Variants in CDH12 observed in about 807,000 individuals in gnomAD.
CDH12 encodes cadherin-12.
CDH12 carries 41 observed loss-of-function variants against 74.1 expected under a neutral mutation model. The observed-to-expected ratio is 0.55, with a 90% confidence interval of 0.43 to 0.72. CDH12 has a LOEUF of 0.72. Among genes scored for constraint, CDH12 ranks in the 30% least tolerant of loss-of-function variants. The pLI is 0.00. For synonymous variants in CDH12, 399 were observed against 355.0 expected, an observed-to-expected ratio of 1.12 and a Z score of -1.39; for missense variants, 945 against 977.2, an observed-to-expected ratio of 0.97 and a Z score of 0.44.
rs192509004 is a variant in CDH12, at chr5:22,546,928, T to C, written c.-522-41564A>G. Among the ~76,000 whole-genome samples the C allele has an allele frequency of 1.6e-4, 25 of 152,298 alleles. 1 individual carries two copies. The highest frequency in any genetic ancestry group is 1.6e-3 in the Admixed American group (24 of 15,292). On this transcript the variant is annotated intron_variant, in intron 1 of 14. Transcript: ENST00000382254. ...ATGCAAAACAAATAAACTAATCTAT[T>C]TGGTATTTCATCTGCAATAGGTATA...
intron 5 of CDH12, among the ~76,000 whole-genome samples, chr5:22,044,156 T>C (rs1158522586): frequency 1.3e-5 from 2 of 152,148 alleles, no homozygotes; most frequent in Admixed American, 1.3e-4. Context: ...GAACAAGCTG[T>C]AGTCATCATA....
At chr5:22,116,727 A>G (rs1745135567) in intron 4 of CDH12, among the ~76,000 whole-genome samples, 1 of 152,104 alleles carries the variant, frequency 6.6e-6, no homozygotes, top group Non-Finnish European at 1.5e-5. Flanking sequence ...CTTCACTCCC[A>G]TAGAATTTCA....
chr5:22,013,506 A>G lies in CDH12; in HGVS notation c.232-38121T>C, dbSNP rs567628908. 2.4e-4 allele frequency among the ~76,000 whole-genome samples: 37 copies of G among 152,230 alleles called. No homozygotes were observed. In the South Asian group the frequency reaches 2.5e-3, roughly 10 times the overall value. ...TGCAAAAATTGTAAATACATATATA[A>G]ATAGATAAATAGATGTTTAGTGGAA... On this transcript the variant is annotated intron_variant, in intron 5 of 14. Coordinates refer to ENST00000382254, the MANE Select transcript of CDH12 (RefSeq NM_004061.5).
intron 5 of CDH12, among the ~76,000 whole-genome samples, chr5:22,032,759 A>T (rs897435215): frequency 8.8e-6 from 1 of 114,078 alleles, no homozygotes; most frequent in African/African-American, 4.5e-5. Context: ...ATTTATATAT[A>T]TTTTATATAT....
chr5:22,277,116 G>T (rs1736667851), intron 3 of CDH12, among the ~76,000 whole-genome samples: 2 of 152,160 alleles, frequency 1.3e-5, no homozygotes. Context: ...GCCGCCTGTG[G>T]CAGTAGCAAA....
intron 1 of CDH12, among the ~76,000 whole-genome samples, chr5:22,760,243 A>G (rs1047996575): frequency 6.6e-6 from 1 of 152,216 alleles, no homozygotes; most frequent in African/African-American, 2.4e-5. Flanking sequence ...AAACTGATAA[A>G]GACAATACAG....
chr5:22,011,705 C>T lies in CDH12; in HGVS notation c.232-36320G>A, dbSNP rs184634926. ...TCATCTAATTAATTTTATTTTATTTCATTCTGTTGGGTTATATGCAATTAT... is the reference window on the plus strand; with the variant it reads ...TCATCTAATTAATTTTATTTTATTTTATTCTGTTGGGTTATATGCAATTAT... On this transcript the variant is annotated intron_variant, in intron 5 of 14. Coordinates refer to ENST00000382254, the MANE Select transcript of CDH12 (RefSeq NM_004061.5). 3.3e-3 allele frequency among the ~76,000 whole-genome samples: 498 copies of T among 151,950 alleles called. 9 individuals carry two copies. In the East Asian group the frequency reaches 0.04, roughly 12 times the overall value.
At chr5:22,025,486 T>C (rs1361876294) in intron 5 of CDH12, among the ~76,000 whole-genome samples, 1 of 152,182 alleles carries the variant, frequency 6.6e-6, no homozygotes, top group East Asian at 1.9e-4. Flanking sequence ...ATGCTAATGA[T>C]CATCTCACTG....
At chr5:22,653,819 G>A (rs999679870) in intron 1 of CDH12, among the ~76,000 whole-genome samples, 3 of 152,124 alleles carry the variant, frequency 2.0e-5, no homozygotes, top group Non-Finnish European at 4.4e-5. Context: ...TCTACTTATT[G>A]AAGCTTTTGG....
chr5:21,833,636 C>T (rs1028083839), intron 8 of CDH12, among the ~76,000 whole-genome samples: 8 of 105,634 alleles, frequency 7.6e-5, no homozygotes, highest in African/African-American at 3.7e-5. Flanking sequence ...TCATGTATCT[C>T]ATATATATGC....
chr5:22,454,535 G>A (rs1186165357), intron 2 of CDH12, among the ~76,000 whole-genome samples: 2 of 152,040 alleles, frequency 1.3e-5, no homozygotes, highest in African/African-American at 4.8e-5. Flanking sequence ...GCACAGTGGT[G>A]TTCTCTCAGC....
intron 5 of CDH12, among the ~76,000 whole-genome samples, chr5:22,020,277 G>T (rs1737884581): frequency 6.6e-6 from 1 of 152,080 alleles, no homozygotes; most frequent in African/African-American, 2.4e-5. Context: ...ATTATGGCTG[G>T]GCGTGGTGGC....
At chr5:21,876,160 C>T (rs549111489) in intron 6 of CDH12, among the ~76,000 whole-genome samples, 1 of 152,256 alleles carries the variant, frequency 6.6e-6, no homozygotes, top group Non-Finnish European at 1.5e-5. Context: ...TCCCAAAGTG[C>T]TGGGATTACA....
At chr5:22,692,115 T>G (rs897472588) in intron 1 of CDH12, among the ~76,000 whole-genome samples, 1 of 152,144 alleles carries the variant, frequency 6.6e-6, no homozygotes, top group Non-Finnish European at 1.5e-5. Flanking sequence ...GTAGCGGTGG[T>G]AATGAGTCAG....
At chr5:22,739,741 C>T (rs1744926096) in intron 1 of CDH12, among the ~76,000 whole-genome samples, 1 of 152,086 alleles carries the variant, frequency 6.6e-6, no homozygotes, top group African/African-American at 2.4e-5. Flanking sequence ...TGGCAACCCA[C>T]ATCCTTCTTT....
chr5:22,459,900 G>A (rs1319073900), intron 2 of CDH12, among the ~76,000 whole-genome samples: 21 of 150,680 alleles, frequency 1.4e-4, no homozygotes, highest in Non-Finnish European at 3.0e-4. Context: ...CAGGAGGCAC[G>A]GAGGTTGCAG....
At chr5:22,368,780 T>A (rs1175056966) in intron 3 of CDH12, among the ~76,000 whole-genome samples, 15 of 149,560 alleles carry the variant, frequency 1.0e-4, no homozygotes, top group African/African-American at 3.6e-4. Flanking sequence ...AAGTAAGAGG[T>A]TGACCTCAAA....
At position 22,627,880 on chromosome 5, in the gene CDH12, AG is replaced by A. The variant is rs544061933; in HGVS notation, c.-522-122517del. On this transcript the variant is annotated intron_variant, in intron 1 of 14. Coordinates refer to ENST00000382254, the MANE Select transcript of CDH12 (RefSeq NM_004061.5). ...TTGACACCCACAGGCTAAAAGTAAA[AG>A]GATGGAGGAAAATCTTCCAAGAAAA... Among the ~76,000 whole-genome samples, 42 of 152,260 alleles carry A rather than the reference AG, an allele frequency of 2.8e-4. No individual in the cohort carries two copies. The South Asian group carries it at 8.7e-3, about 32-fold the overall frequency.
chr5:22,839,389 T>C (rs1216120100), intron 1 of CDH12, among the ~76,000 whole-genome samples: 1 of 149,504 alleles, frequency 6.7e-6, no homozygotes. Context: ...AGTTTCGCTC[T>C]TGTTGCCCAG....
Sources: allele counts gnomAD v4.1 joint callset (sites outside exome capture counted in the v4.1 genomes callset), GRCh38; gene constraint gnomAD v4.1.1; transcripts MANE v1.5; gene names NCBI Gene and HGNC (gene_info 2026-07-23, HGNC 2026-07-21).